The following CEACAM21 variants were observed in gnomAD, a reference collection of about 807,000 sequenced individuals.
CEACAM21 encodes the protein cell adhesion molecule CEACAM21.
CEACAM21 carries 38 observed loss-of-function variants against 33.2 expected under a neutral mutation model. That is an observed-to-expected ratio of 1.14 (90% CI 0.88 to 1.50). The LOEUF (loss-of-function observed/expected upper bound fraction) is 1.50. Ranked by LOEUF, CEACAM21 falls within the 40% of genes most tolerant of loss-of-function variation. The pLI is 0.00. For synonymous variants in CEACAM21, 156 were observed against 143.0 expected, an observed-to-expected ratio of 1.09 and a Z score of -0.65; for missense variants, 385 against 364.6, an observed-to-expected ratio of 1.06 and a Z score of -0.46.
Position 41,558,386 on chromosome 19 carries a change from A to T in CEACAM21, c.-778-6296A>T, listed in dbSNP as rs957854283. Among the ~76,000 whole-genome samples the T allele has an allele frequency of 2.6e-5, 4 of 152,278 alleles. No homozygotes were observed. The East Asian group carries it at 7.7e-4, about 29-fold the overall frequency. ...AACCCAGCTGGGCACGGTGGCTCAC[A>T]CCTGTAATCCTAGCACTTTGGGAGG... On this transcript the variant is annotated intron_variant, in intron 1 of 7. Coordinates refer to the CEACAM21 transcript ENST00000407170.
At position 41,579,474 on chromosome 19, in the gene CEACAM21, G is replaced by A. The variant is rs377191701; in HGVS notation, c.546G>A (p.Gln182=). The change falls in exon 3 of 7, where the codon CAG becomes CAA. Residue 182 remains glutamine (Q), a synonymous_variant. Transcript: ENST00000401445. The part of the protein sequence containing the change: ...GTSFQWIFNN[Q]RLQVTKRMKL... Reference sequence around the variant, plus strand: ...CTTTCCAGTGGATTTTCAACAACCAGCGTCTGCAGGTCACGAAGAGGATGA... The same window carrying A: ...CTTTCCAGTGGATTTTCAACAACCAACGTCTGCAGGTCACGAAGAGGATGA... 137 of 1,613,848 alleles carry A rather than the reference G, an allele frequency of 8.5e-5. No individual in the cohort carries two copies. In the African/African-American group the frequency reaches 1.7e-3, roughly 20 times the overall value.
chr19:41,580,370 G>T (rs1181908763), intron 3 of CEACAM21, among the ~76,000 whole-genome samples: 1 of 152,032 alleles, frequency 6.6e-6, no homozygotes, highest in African/African-American at 2.4e-5. Context: ...ACATCAGCTA[G>T]GTGTCCTCCA....
At chr19:41,570,848 A>T (rs1568596572) in intron 2 of CEACAM21, among the ~76,000 whole-genome samples, 1 of 152,026 alleles carries the variant, frequency 6.6e-6, no homozygotes, top group Non-Finnish European at 1.5e-5. Flanking sequence ...AGACCAGGAG[A>T]GCGGAGATCA....
chr19:41,551,887 G>T (rs1273377438), intron 1 of CEACAM21: 1 of 152,140 alleles, frequency 6.6e-6, no homozygotes, highest in Non-Finnish European at 1.5e-5. Context: ...GGACAGTGAA[G>T]CTCTACCGCC....
chr19:41,554,695 G>T (rs998648724), intron 1 of CEACAM21, among the ~76,000 whole-genome samples: 3 of 151,832 alleles, frequency 2.0e-5, no homozygotes, highest in Non-Finnish European at 2.9e-5. Context: ...TGACCATAAG[G>T]TAACATTTTT....
At chr19:41,557,276 C>A (rs1214696371) in intron 1 of CEACAM21, among the ~76,000 whole-genome samples, 1 of 152,158 alleles carries the variant, frequency 6.6e-6, no homozygotes, top group Non-Finnish European at 1.5e-5. Context: ...TAAGACAAAT[C>A]TGTGGGTCCT....
At chr19:41,573,337 A>G (rs1340095687), upstream of CEACAM21, among the ~76,000 whole-genome samples, 1 of 152,058 alleles carries the variant, frequency 6.6e-6, no homozygotes, top group Admixed American at 6.6e-5. Context: ...AGCAGCAGCC[A>G]CCGTTTGTGC....
At chr19:41,575,854 G>A (rs2042902539), upstream of CEACAM21, among the ~76,000 whole-genome samples, 2 of 152,332 alleles carry the variant, frequency 1.3e-5, no homozygotes, top group Middle Eastern at 3.4e-3. Context: ...TGGAGCACTG[G>A]AGAGCATGAG....
At chr19:41,568,771 G>A (rs916616896) in intron 2 of CEACAM21, among the ~76,000 whole-genome samples, 1 of 152,196 alleles carries the variant, frequency 6.6e-6, no homozygotes, top group East Asian at 1.9e-4. Flanking sequence ...GCAACTCAGG[G>A]TGTTTTGTGC....
Position 41,579,333 on chromosome 19 carries a change from G to T in CEACAM21, c.425-20G>T. ...GCAGCATGGCCCCAAGACACTTTCT[G>T]TTGGTCACTCTATCCACAGAGTCAG... On this transcript the variant is annotated intron_variant, in intron 2 of 6. Transcript: ENST00000401445. 1 of 1,613,924 alleles carries T rather than the reference G, an allele frequency of 6.2e-7. No individual in the cohort carries two copies. The highest frequency in any genetic ancestry group is 8.5e-7 in the Non-Finnish European group (1 of 1,179,876).
chr19:41,570,817 G>A (rs180719521), intron 2 of CEACAM21, among the ~76,000 whole-genome samples: 3 of 152,292 alleles, frequency 2.0e-5, no homozygotes, highest in East Asian at 3.9e-4. Context: ...TCTAGTGGGC[G>A]CCTCCTGCTA....
chr19:41,559,067 T>G (rs2041712922), intron 1 of CEACAM21, among the ~76,000 whole-genome samples: 1 of 152,208 alleles, frequency 6.6e-6, no homozygotes, highest in Admixed American at 6.5e-5. Context: ...AATGAATCAG[T>G]AAACATATAG....
rs376450947 is a variant in CEACAM21 at position 41,553,420 on chromosome 19, A to G, written c.-779+3868A>G. ...CACCCGACCCCAGTTTCCCGTTTTT[A>G]CTAAAGACAAATTACGACAGGACCA... On this transcript the variant is annotated intron_variant, in intron 1 of 7. Transcript: ENST00000407170. Among the ~76,000 whole-genome samples the G allele has an allele frequency of 1.1e-4, 17 of 152,186 alleles. No homozygotes were observed. In the South Asian group the frequency reaches 3.3e-3, roughly 30 times the overall value.
chr19:41,585,675 G>A (rs1201210274), intron 5 of CEACAM21, among the ~76,000 whole-genome samples, 165 bp from the exon 6 acceptor site: 2 of 152,084 alleles, frequency 1.3e-5, no homozygotes, highest in Non-Finnish European at 2.9e-5. Context: ...CGGGCTCTGG[G>A]TCATGGGTCA....
At chr19:41,558,768 G>A (rs1388868466) in intron 1 of CEACAM21, among the ~76,000 whole-genome samples, 1 of 152,152 alleles carries the variant, frequency 6.6e-6, no homozygotes, top group Non-Finnish European at 1.5e-5. Context: ...TGCTGAATGA[G>A]CACAGGCAAA....
chr19:41,564,972 A>C (rs1020663312), exon 2 of CEACAM21: 4 of 152,368 alleles, frequency 2.6e-5, no homozygotes, highest in African/African-American at 9.7e-5. Context: ...GAGGGACTGC[A>C]GCGCAGGAAC....
intron 3 of CEACAM21, among the ~76,000 whole-genome samples, chr19:41,582,542 C>G (rs1339521414): frequency 6.6e-6 from 1 of 152,234 alleles, no homozygotes; most frequent in Admixed American, 6.5e-5. Flanking sequence ...ACCTGGACAT[C>G]CAAGCATTTT....
chr19:41,575,848 G>C (rs1010118557), upstream of CEACAM21, among the ~76,000 whole-genome samples: 1 of 152,194 alleles, frequency 6.6e-6, no homozygotes, highest in Admixed American at 6.5e-5. Context: ...CCTTCCTGGA[G>C]CACTGGAGAG....
At position 41,584,481 on chromosome 19, in the gene CEACAM21, C is replaced by T. The variant is rs373871010; in HGVS notation, c.797+38C>T. The T allele has an allele frequency of 1.2e-5, 18 of 1,552,772 alleles. No homozygotes were observed. In the South Asian group the frequency reaches 1.3e-4, roughly 11 times the overall value. ...TTCCCCATTCTGCTCCCATCCTTCA[C>T]GCTGACCCCAGGCGAGAAGGAAGGA... On this transcript the variant is annotated intron_variant, in intron 4 of 6. Coordinates refer to ENST00000401445, the MANE Select transcript of CEACAM21 (RefSeq NM_001098506.4).
Sources: allele counts gnomAD v4.1 joint callset (sites outside exome capture counted in the v4.1 genomes callset), GRCh38; gene constraint gnomAD v4.1.1; transcripts MANE v1.5; gene names NCBI Gene and HGNC (gene_info 2026-07-23, HGNC 2026-07-21).